Variants in DHRSX observed in about 807,000 individuals in gnomAD.
DHRSX encodes the protein polyprenol dehydrogenase.
A neutral mutation model predicts 34.0 loss-of-function variants in DHRSX; 31 were observed. The ratio of observed to expected loss-of-function variants is 0.91; its 90% CI spans 0.69 to 1.23. DHRSX has a LOEUF of 1.23. DHRSX is among the 50% of genes most tolerant of loss of function. The pLI is 0.00. For missense variants in DHRSX, 414 were observed against 428.1 expected, an observed-to-expected ratio of 0.97 and a Z score of 0.29; for synonymous variants, 201 against 183.8, an observed-to-expected ratio of 1.09 and a Z score of -0.76.
At chrX:2,422,582 G>C (rs1026554396) in intron 2 of DHRSX, among the ~76,000 whole-genome samples, 1 of 152,024 alleles carries the variant, frequency 6.6e-6, no homozygotes, top group African/African-American at 2.4e-5. Flanking sequence ...AAGTCAATAC[G>C]ATCCTGCATA....
chrX:2,445,545 G>A (rs1425142036), intron 1 of DHRSX, among the ~76,000 whole-genome samples: 1 of 152,140 alleles, frequency 6.6e-6, no homozygotes, highest in Non-Finnish European at 1.5e-5. Context: ...ACCCCCAAGG[G>A]ACCGCTGCCG....
At chrX:2,342,471 A>G (rs2042653220) in intron 3 of DHRSX, among the ~76,000 whole-genome samples, 1 of 151,930 alleles carries the variant, frequency 6.6e-6, no homozygotes, top group African/African-American at 2.4e-5. Flanking sequence ...GTGCCCAGCA[A>G]GCCCATCTGG....
intron 3 of DHRSX, among the ~76,000 whole-genome samples, chrX:2,320,765 C>T (rs1458423060): frequency 6.6e-6 from 1 of 151,608 alleles, no homozygotes; most frequent in East Asian, 2.0e-4. Context: ...CCTCCTTACA[C>T]AATCAGAGAC....
intron 3 of DHRSX, among the ~76,000 whole-genome samples, chrX:2,307,187 T>C (rs2042108440): frequency 6.6e-6 from 1 of 152,144 alleles, no homozygotes; most frequent in South Asian, 2.1e-4. Flanking sequence ...TGGAGGCCAT[T>C]ATCCTAAGTG....
intron 3 of DHRSX, among the ~76,000 whole-genome samples, chrX:2,370,201 TCA>T (rs1243871951): frequency 6.6e-6 from 1 of 151,776 alleles, no homozygotes; most frequent in African/African-American, 2.4e-5. Context: ...AAACAGAGTC[TCA>T]CTCTGTCTCC....
intron 1 of DHRSX, 57 bp downstream of exon 1, chrX:2,500,756 CCGAG>C: frequency 1.1e-6 from 1 of 883,704 alleles, no homozygotes; most frequent in Non-Finnish European, 1.4e-6. Context: ...GCCCCCGCCC[CCGAG>C]CCAGCCCGCG....
At chrX:2,376,506 G>T (rs1479803969) in intron 3 of DHRSX, among the ~76,000 whole-genome samples, 1 of 137,236 alleles carries the variant, frequency 7.3e-6, no homozygotes, top group Non-Finnish European at 1.7e-5. Context: ...GGTGACGTGG[G>T]TTTAACTGTG....
At chrX:2,368,012 G>A (rs2043014373) in intron 3 of DHRSX, among the ~76,000 whole-genome samples, 1 of 152,046 alleles carries the variant, frequency 6.6e-6, no homozygotes, top group Non-Finnish European at 1.5e-5. Context: ...GGAGGCCGAG[G>A]AGGGTGGATC....
chrX:2,284,462 A>AC (rs199876015), intron 4 of DHRSX, among the ~76,000 whole-genome samples: 24,664 of 152,208 alleles, frequency 0.16, 2,661 homozygotes, highest in Non-Finnish European at 0.24. Flanking sequence ...ACCAAAAAAC[A>AC]GAGTCTTTAG....
rs368852894 is a variant in DHRSX at position 2,489,699 on chromosome X, C to T, written c.109+11118G>A. 1.2e-5 allele frequency: 20 copies of T among 1,612,740 alleles called. No homozygotes were observed. In the African/African-American group the frequency reaches 2.3e-4, roughly 18 times the overall value. On this transcript the variant is annotated intron_variant, in intron 1 of 6. Coordinates refer to ENST00000334651, the MANE Select transcript of DHRSX (RefSeq NM_145177.3). ...TTGCTCACCAGCATGCAGTGGGCCA[C>T]GTTCTGCTGCTTCTGCTTCTCATAG...
chrX:2,304,243 A>AAATG (rs2042070497), intron 3 of DHRSX, among the ~76,000 whole-genome samples: 2 of 32,982 alleles, frequency 6.1e-5, no homozygotes, highest in Non-Finnish European at 1.2e-4. Flanking sequence ...ATGGATGGAT[A>AAATG]AATGGATGGA....
chrX:2,291,449 C>A, intron 4 of DHRSX, 53 bp downstream of exon 4: 1 of 1,377,814 alleles, frequency 7.3e-7, no homozygotes, highest in Admixed American at 1.7e-5. Flanking sequence ...AGCTAGAGTT[C>A]CTGTTTGCAT....
rs1335114068 is a variant in DHRSX, at chrX:2,359,038, A to C, written c.286+49707T>G. 6.6e-5 allele frequency among the ~76,000 whole-genome samples: 10 copies of C among 152,268 alleles called. 1 individual carries two copies. Among genetic ancestry groups the C allele is most frequent in the Middle Eastern group, 6.8e-3 (2 of 294 alleles). On this transcript the variant is annotated intron_variant, in intron 3 of 6. Coordinates refer to ENST00000334651, the MANE Select transcript of DHRSX (RefSeq NM_145177.3). Reference sequence around the variant, plus strand: ...TGCTCATTAGAGACACGCAAATCAAAACCAGAATGAGATACCATCTCACAC... The same window carrying C: ...TGCTCATTAGAGACACGCAAATCAACACCAGAATGAGATACCATCTCACAC...
Position 2,219,941 on chromosome X carries a change from C to G in DHRSX, c.*1100G>C, listed in dbSNP as rs911551562. On this transcript the variant is annotated 3_prime_UTR_variant, in exon 7 of 7. Coordinates refer to ENST00000334651, the MANE Select transcript of DHRSX (RefSeq NM_145177.3). ...GTGAGCCTCTATACCAAGGATGTAC[C>G]CTTTGGCTGTGTGAGGTTTTCAGAA... 1.3e-5 allele frequency: 2 copies of G among 152,110 alleles called. No homozygotes were observed. Among genetic ancestry groups the G allele is most frequent in the Admixed American group, 1.3e-4 (2 of 15,250 alleles). The allele number at this position is 152,110 out of a possible 1,614,324, so 9.4% of individuals were successfully genotyped here. A position where few individuals can be genotyped will look rare whatever the true frequency, so the allele number is the denominator to read the frequency against.
chrX:2,246,748 G>GAAAGAAAGAAAGAGAA (rs776138629), intron 5 of DHRSX, among the ~76,000 whole-genome samples: 3 of 103,778 alleles, frequency 2.9e-5, no homozygotes, highest in South Asian at 6.1e-4. Context: ...AAGAAAGAAA[G>GAAAGAAAGAAAGAGAA]AAAAAGAAAG....
In DHRSX at chrX:2,408,815, T is replaced by C. The variant is rs1325676535; in HGVS notation, c.218-2A>G. On this transcript the variant is annotated splice_acceptor_variant, in intron 2 of 6. Transcript: ENST00000334651. LOFTEE classifies it high-confidence loss of function. Reference sequence around the variant, plus strand: ...TGGCTTTGCTGTCATTATTTCCAGCTAAAAGGAAAAAGAAAAAAAAGATAC... The same window carrying C: ...TGGCTTTGCTGTCATTATTTCCAGCCAAAAGGAAAAAGAAAAAAAAGATAC... 1.2e-6 allele frequency: 2 copies of C among 1,602,734 alleles called. No homozygotes were observed. The highest frequency in any genetic ancestry group is 1.7e-6 in the Non-Finnish European group (2 of 1,176,340).
At chrX:2,499,161 C>A (rs1334676850) in intron 1 of DHRSX, among the ~76,000 whole-genome samples, 1 of 152,106 alleles carries the variant, frequency 6.6e-6, no homozygotes, top group Non-Finnish European at 1.5e-5. Context: ...AGTCAAAAGT[C>A]ATTTCACAAT....
intron 1 of DHRSX, among the ~76,000 whole-genome samples, chrX:2,445,205 G>A (rs2044114544): frequency 6.6e-6 from 1 of 152,088 alleles, no homozygotes; most frequent in Non-Finnish European, 1.5e-5. Flanking sequence ...GTTGGACACA[G>A]GGCCGAAAAG....
chrX:2,297,463 C>T (rs964037332), intron 3 of DHRSX, among the ~76,000 whole-genome samples: 5 of 152,088 alleles, frequency 3.3e-5, no homozygotes, highest in Admixed American at 6.6e-5. Context: ...GGCTAAATGA[C>T]GGTATCCTCC....
Sources: allele counts gnomAD v4.1 joint callset (sites outside exome capture counted in the v4.1 genomes callset), GRCh38; gene constraint gnomAD v4.1.1; transcripts MANE v1.5; gene names NCBI Gene and HGNC (gene_info 2026-07-23, HGNC 2026-07-21).